ITPR2: variants seen among roughly 807,000 people sequenced by gnomAD.
ITPR2 encodes the protein inositol 1,4,5-trisphosphate-gated calcium channel ITPR2.
ITPR2 carries 207 observed loss-of-function variants against 317.1 expected under a neutral mutation model. That is an observed-to-expected ratio of 0.65 (90% CI 0.58 to 0.73). The LOEUF is 0.73. Ranked by LOEUF, ITPR2 falls within the 30% of genes least tolerant of loss-of-function variation. The pLI is 0.00. For synonymous variants in ITPR2, 1,156 were observed against 1,149.1 expected (o/e 1.01, Z -0.12); for missense variants, 2,613 against 3,284.0 (o/e 0.80, Z 4.99).
intron 2 of ITPR2, among the ~76,000 whole-genome samples, chr12:26,748,275 T>G (rs1592093200): frequency 6.6e-6 from 1 of 152,106 alleles, no homozygotes; most frequent in Non-Finnish European, 1.5e-5. Flanking sequence ...GCCAGGCTGG[T>G]CTCAAACTCC....
At chr12:26,463,536 GCA>G (rs557788557) in intron 45 of ITPR2, among the ~76,000 whole-genome samples, 189 of 152,136 alleles carry the variant, frequency 1.2e-3, no homozygotes, top group African/African-American at 4.2e-3. Flanking sequence ...GTGGTGGCAT[GCA>G]CCTGCAATCC....
chr12:26,635,318 G>A (rs1946843221), intron 21 of ITPR2, among the ~76,000 whole-genome samples: 1 of 152,172 alleles, frequency 6.6e-6, no homozygotes, highest in Admixed American at 6.5e-5. Flanking sequence ...ATTTACTTAA[G>A]TCTGCTGGTA....
At chr12:26,750,585 C>T (rs1057261739) in intron 2 of ITPR2, among the ~76,000 whole-genome samples, 3 of 152,296 alleles carry the variant, frequency 2.0e-5, no homozygotes, top group South Asian at 4.1e-4. Flanking sequence ...AAAAGAACCA[C>T]CATAGTTGTA....
intron 55 of ITPR2, among the ~76,000 whole-genome samples, chr12:26,344,966 G>A (rs570356885): frequency 6.6e-6 from 1 of 151,964 alleles, no homozygotes; most frequent in South Asian, 2.1e-4. Context: ...ATCTGTCTGT[G>A]TTTTGGTTTG....
chr12:26,774,760 C>T (rs1289649226), intron 2 of ITPR2, among the ~76,000 whole-genome samples: 2 of 152,208 alleles, frequency 1.3e-5, no homozygotes, highest in African/African-American at 4.8e-5. Context: ...AACAGCTTCC[C>T]ACCTCAACTT....
chr12:26,607,571 TCGGTTTCTGCTTCC>T (rs1196743383), intron 26 of ITPR2, among the ~76,000 whole-genome samples: 11 of 152,158 alleles, frequency 7.2e-5, no homozygotes, highest in African/African-American at 2.7e-4. Context: ...ATCATGGTTG[TCGGTTTCTGCTTCC>T]CTGGGAAGCA....
chr12:26,723,987 G>A (rs903407267), intron 4 of ITPR2, among the ~76,000 whole-genome samples: 4 of 152,062 alleles, frequency 2.6e-5, no homozygotes, highest in African/African-American at 7.2e-5. Context: ...TTACAACATG[G>A]TTTTTATAAA....
At chr12:26,380,576 TTTAG>T (rs1427490248) in intron 55 of ITPR2, among the ~76,000 whole-genome samples, 1 of 152,196 alleles carries the variant, frequency 6.6e-6, no homozygotes, top group Admixed American at 6.5e-5. Flanking sequence ...TAAAATAGTG[TTTAG>T]TTAAAGATTA....
intron 32 of ITPR2, among the ~76,000 whole-genome samples, chr12:26,582,047 A>T (rs17397567): frequency 0.25 from 38,249 of 152,038 alleles, 5,412 homozygotes; most frequent in Non-Finnish European, 0.32. Context: ...TTCAAAATCC[A>T]GGGTTATGAA....
At chr12:26,339,549 CA>C in intron 56 of ITPR2, 66 bp from the exon 57 acceptor site, 2 of 1,266,312 alleles carry the variant, frequency 1.6e-6, no homozygotes, top group Non-Finnish European at 2.3e-6. Flanking sequence ...TGGTGGGCCA[CA>C]ACCGTTTTGA....
At chr12:26,664,008 A>T (rs1283283558) in intron 14 of ITPR2, among the ~76,000 whole-genome samples, 162 bp from the exon 15 acceptor site, 1 of 152,208 alleles carries the variant, frequency 6.6e-6, no homozygotes, top group Non-Finnish European at 1.5e-5. Flanking sequence ...CCAACATATC[A>T]AGGATCAGAA....
At chr12:26,632,453 G>C (rs1946776603) in intron 21 of ITPR2, among the ~76,000 whole-genome samples, 1 of 152,126 alleles carries the variant, frequency 6.6e-6, no homozygotes, top group Admixed American at 6.6e-5. Flanking sequence ...TTGCAAGTGG[G>C]GATACAAAGA....
At chr12:26,439,372 A>C in intron 46 of ITPR2, 53 bp from the exon 47 acceptor site, 3 of 1,304,754 alleles carry the variant, frequency 2.3e-6, no homozygotes, top group Non-Finnish European at 3.1e-6. Flanking sequence ...TCAGTCTTAG[A>C]CTTGCTTTTG....
intron 1 of ITPR2, among the ~76,000 whole-genome samples, chr12:26,814,949 ATTTG>A (rs146351388): frequency 0.19 from 28,408 of 152,122 alleles, 2,924 homozygotes; most frequent in Non-Finnish European, 0.24. Context: ...TCCTAAACAA[ATTTG>A]TTTATCTGTA....
intron 34 of ITPR2, among the ~76,000 whole-genome samples, chr12:26,568,848 T>C (rs1945079498): frequency 6.6e-6 from 1 of 152,214 alleles, no homozygotes; most frequent in African/African-American, 2.4e-5. Flanking sequence ...AGCACCAGTA[T>C]ACATAAACAG....
chr12:26,537,632 A>T (rs10842750), intron 37 of ITPR2, among the ~76,000 whole-genome samples: 2 of 151,980 alleles, frequency 1.3e-5, no homozygotes, highest in South Asian at 2.1e-4. Context: ...ATTGTCCATG[A>T]GTCCTCATTT....
chr12:26,669,864 C>T (rs1168041427), intron 13 of ITPR2, among the ~76,000 whole-genome samples: 2 of 152,242 alleles, frequency 1.3e-5, no homozygotes, highest in Non-Finnish European at 2.9e-5. Flanking sequence ...GCTTTTCCGA[C>T]GGGCTTAAAA....
intron 2 of ITPR2, among the ~76,000 whole-genome samples, chr12:26,782,692 A>G (rs1950118646): frequency 6.6e-6 from 1 of 152,250 alleles, no homozygotes; most frequent in African/African-American, 2.4e-5. Flanking sequence ...CTGCAAAATC[A>G]GGATAGCAAT....
At chr12:26,773,160 T>C (rs1282409364) in intron 2 of ITPR2, among the ~76,000 whole-genome samples, 1 of 152,190 alleles carries the variant, frequency 6.6e-6, no homozygotes, top group Admixed American at 6.5e-5. Context: ...ATCTATGTGA[T>C]TTGAGCATGC....
Sources: allele counts gnomAD v4.1 joint callset (sites outside exome capture counted in the v4.1 genomes callset), GRCh38; gene constraint gnomAD v4.1.1; transcripts MANE v1.5; gene names NCBI Gene and HGNC (gene_info 2026-07-23, HGNC 2026-07-21).